Variants in STPG2 observed in about 807,000 individuals in gnomAD.
STPG2 encodes the protein sperm tail PG-rich repeat containing 2.
Under a neutral mutation model 54.2 loss-of-function variants are expected in STPG2, and 56 were observed. The observed-to-expected ratio is 1.03, with a 90% CI of 0.83 to 1.29. The LOEUF (loss-of-function observed/expected upper bound fraction) is 1.29, where lower values mean the gene tolerates loss of function less well. Ranked by LOEUF, STPG2 falls within the 50% of genes most tolerant of loss-of-function variation. The pLI, the probability that STPG2 is intolerant of heterozygous loss-of-function variation, is 0.00. For synonymous variants in STPG2, 200 were observed against 181.8 expected (o/e 1.10, Z -0.81); for missense variants, 596 against 544.9 (o/e 1.09, Z -0.93).
chr4:98,142,952 GCTCTATGTTTAA>G, intron 1 of STPG2, 78 bp downstream of exon 1: 1 of 1,086,968 alleles, frequency 9.2e-7, no homozygotes, highest in South Asian at 1.3e-5. Flanking sequence ...GTACTATTCC[GCTCTATGTTTAA>G]CTCACAAGCA....
intron 5 of STPG2, among the ~76,000 whole-genome samples, chr4:98,101,844 C>T (rs1739045488): frequency 6.6e-6 from 1 of 151,714 alleles, no homozygotes; most frequent in Non-Finnish European, 1.5e-5. Flanking sequence ...AGCCATGAAT[C>T]CCCTTATGAT....
intron 9 of STPG2, among the ~76,000 whole-genome samples, chr4:97,755,056 A>C (rs1457831021): frequency 6.6e-6 from 1 of 152,136 alleles, no homozygotes; most frequent in East Asian, 1.9e-4. Context: ...AACTTAAATC[A>C]AGTTTTCTGC....
chr4:97,918,056 G>A (rs746452767), intron 8 of STPG2, among the ~76,000 whole-genome samples: 17 of 149,596 alleles, frequency 1.1e-4, no homozygotes, highest in Non-Finnish European at 2.2e-4. Context: ...TAAGGCATGC[G>A]TATATAAGGA....
intron 8 of STPG2, among the ~76,000 whole-genome samples, chr4:97,942,543 G>A (rs900072131): frequency 2.0e-5 from 3 of 151,966 alleles, no homozygotes; most frequent in African/African-American, 7.2e-5. Flanking sequence ...ACCTGATGCT[G>A]ATTTTGACTA....
intron 10 of STPG2, among the ~76,000 whole-genome samples, chr4:97,657,715 T>C (rs1014750387): frequency 4.6e-5 from 7 of 152,230 alleles, no homozygotes; most frequent in Non-Finnish European, 7.3e-5. Context: ...ACTCAAAGTA[T>C]TACTCCAGCC....
chr4:97,576,608 A>C (rs1346472023), intron 10 of STPG2, among the ~76,000 whole-genome samples: 1 of 152,172 alleles, frequency 6.6e-6, no homozygotes, highest in African/African-American at 2.4e-5. Context: ...AGATAGATTA[A>C]AGACTTAAAT....
intron 5 of STPG2, among the ~76,000 whole-genome samples, chr4:98,016,049 GC>G (rs371271586): frequency 6.6e-6 from 1 of 152,252 alleles, no homozygotes; most frequent in African/African-American, 2.4e-5. Flanking sequence ...ACACTCCAGG[GC>G]CTGTGTGGGG....
At chr4:97,574,936 A>G (rs1436010280) in intron 10 of STPG2, among the ~76,000 whole-genome samples, 4 of 152,054 alleles carry the variant, frequency 2.6e-5, no homozygotes, top group African/African-American at 4.8e-5. Context: ...AAGGACAATC[A>G]GAAATGACTA....
rs1724083146 is a variant in STPG2 at position 97,710,607 on chromosome 4, A to G, written c.1320+2092T>C. 2.0e-5 allele frequency among the ~76,000 whole-genome samples: 3 copies of G among 152,056 alleles called. No individual in the cohort carries two copies. The South Asian group carries it at 6.2e-4, about 32-fold the overall frequency. On this transcript the variant is annotated intron_variant, in intron 10 of 10. Transcript: ENST00000295268. ...TAGAATTATCTTTTCCTGTTAAAAA[A>G]CGTAAAAAGTTTACAGCAAATATGT...
chr4:97,661,007 T>C (rs1722359928), intron 10 of STPG2, among the ~76,000 whole-genome samples: 1 of 152,094 alleles, frequency 6.6e-6, no homozygotes, highest in African/African-American at 2.4e-5. Flanking sequence ...AAAACATGCT[T>C]TGGGATAGAA....
intron 8 of STPG2, among the ~76,000 whole-genome samples, chr4:97,845,600 T>A (rs1728925712): frequency 2.0e-5 from 3 of 152,192 alleles, no homozygotes; most frequent in Admixed American, 6.5e-5. Context: ...GACTATTTAC[T>A]TCTAAATTGC....
intron 10 of STPG2, among the ~76,000 whole-genome samples, chr4:97,592,224 AT>A (rs1346263760): frequency 1.7e-4 from 26 of 152,230 alleles, no homozygotes; most frequent in African/African-American, 6.0e-4. Flanking sequence ...CTCATTTTTT[AT>A]TTATTATGTA....
intron 4 of STPG2, among the ~76,000 whole-genome samples, chr4:97,460,254 T>TAAC (rs1403695804): frequency 1.3e-4 from 19 of 151,740 alleles, no homozygotes; most frequent in African/African-American, 4.6e-4. Context: ...TCCTCAGACC[T>TAAC]GTGATAGCTT....
chr4:97,492,656 T>C (rs1053114066), intron 4 of STPG2, among the ~76,000 whole-genome samples: 3 of 150,898 alleles, frequency 2.0e-5, no homozygotes, highest in Non-Finnish European at 3.0e-5. Context: ...TTTTTTTTTT[T>C]CTATATTTGT....
intron 4 of STPG2, among the ~76,000 whole-genome samples, chr4:97,552,745 T>A (rs2148868568): frequency 6.6e-6 from 1 of 152,094 alleles, no homozygotes; most frequent in Non-Finnish European, 1.5e-5. Flanking sequence ...AAGAAAAAAA[T>A]GAAAGATATT....
At chr4:97,905,644 A>G (rs139775250) in intron 8 of STPG2, among the ~76,000 whole-genome samples, 1 of 152,222 alleles carries the variant, frequency 6.6e-6, no homozygotes, top group Non-Finnish European at 1.5e-5. Context: ...ATGCTCCATT[A>G]AAAGACACAG....
At chr4:97,454,239 C>A (rs1039634210) in intron 4 of STPG2, among the ~76,000 whole-genome samples, 2 of 151,954 alleles carry the variant, frequency 1.3e-5, no homozygotes, top group Non-Finnish European at 2.9e-5. Context: ...ATTCGCCGGG[C>A]ACGGTGGCTA....
At chr4:97,640,965 T>C (rs963388618) in intron 10 of STPG2, among the ~76,000 whole-genome samples, 3 of 151,540 alleles carry the variant, frequency 2.0e-5, no homozygotes, top group African/African-American at 7.2e-5. Context: ...AACAAAAGAA[T>C]ACAGTTTTAT....
intron 4 of STPG2, among the ~76,000 whole-genome samples, chr4:97,489,317 G>A (rs145257389): frequency 6.6e-6 from 1 of 151,730 alleles, no homozygotes; most frequent in East Asian, 1.9e-4. Flanking sequence ...GATAGACAGA[G>A]AGACAGATAA....
Sources: allele counts gnomAD v4.1 joint callset (sites outside exome capture counted in the v4.1 genomes callset), GRCh38; gene constraint gnomAD v4.1.1; transcripts MANE v1.5; gene names NCBI Gene and HGNC (gene_info 2026-07-23, HGNC 2026-07-21).